ZDHHC7: variants seen among roughly 807,000 people sequenced by gnomAD.
The protein encoded by ZDHHC7 is palmitoyltransferase ZDHHC7.
ZDHHC7 carries 12 observed loss-of-function variants against 34.1 expected under a neutral mutation model. The ratio of observed to expected loss-of-function variants is 0.35; its 90% CI spans 0.23 to 0.57. The LOEUF (loss-of-function observed/expected upper bound fraction) is 0.57, where lower values mean the gene tolerates loss of function less well. Among genes scored for constraint, ZDHHC7 ranks in the 20% least tolerant of loss-of-function variants. The pLI is 0.84. For synonymous variants in ZDHHC7, 185 were observed against 155.4 expected (o/e 1.19, Z -1.42); for missense variants, 388 against 402.7 (o/e 0.96, Z 0.31).
intron 1 of ZDHHC7, among the ~76,000 whole-genome samples, chr16:85,005,712 A>C (rs907295487): frequency 9.9e-5 from 15 of 152,262 alleles, no homozygotes; most frequent in Admixed American, 1.3e-4. Flanking sequence ...CTGGTCTCCA[A>C]TGAGACTGGA....
At chr16:85,009,162 T>C (rs1360593089) in intron 1 of ZDHHC7, among the ~76,000 whole-genome samples, 1 of 152,080 alleles carries the variant, frequency 6.6e-6, no homozygotes, top group Non-Finnish European at 1.5e-5. Flanking sequence ...TCAATGTTCA[T>C]CCCAAACATT....
At chr16:85,002,434 G>C (rs1170868571) in intron 1 of ZDHHC7, among the ~76,000 whole-genome samples, 1 of 152,170 alleles carries the variant, frequency 6.6e-6, no homozygotes, top group Admixed American at 6.5e-5. Flanking sequence ...TGGCGAGACA[G>C]GCCCTCTAAC....
chr16:84,993,371 C>T (rs1010978276), intron 2 of ZDHHC7, among the ~76,000 whole-genome samples: 1 of 152,094 alleles, frequency 6.6e-6, no homozygotes, highest in African/African-American at 2.4e-5. Flanking sequence ...GTGGCTTACA[C>T]CTGTAATCTC....
intron 1 of ZDHHC7, among the ~76,000 whole-genome samples, chr16:85,004,367 C>G (rs1478418599): frequency 1.3e-5 from 2 of 151,988 alleles, no homozygotes; most frequent in African/African-American, 4.8e-5. Context: ...GTGCTTAGAT[C>G]ACCTGCTGAC....
intron 1 of ZDHHC7, among the ~76,000 whole-genome samples, chr16:84,999,510 A>C (rs1221166218): frequency 2.0e-5 from 3 of 152,244 alleles, no homozygotes; most frequent in Non-Finnish European, 1.5e-5. Context: ...GTGTATTCAT[A>C]TAATGGCATA....
chr16:85,002,396 G>A (rs546187448), intron 1 of ZDHHC7, among the ~76,000 whole-genome samples: 1 of 152,306 alleles, frequency 6.6e-6, no homozygotes, highest in African/African-American at 2.4e-5. Flanking sequence ...AATGAGTCCT[G>A]TGGACAGAAC....
rs1227918693 is a variant in ZDHHC7, at chr16:84,974,783, A to G, written c.*1560T>C. On this transcript the variant is annotated 3_prime_UTR_variant, in exon 8 of 8. Coordinates refer to ENST00000313732, the MANE Select transcript of ZDHHC7 (RefSeq NM_017740.3). The stretch of plus-strand genomic sequence containing the variant: ...GGCGCACACGCTTCTGCGGTGACCA[A>G]GTCCACTTCCAAACCCCCTGCAGGT... 6.5e-6 allele frequency: 1 copy of G among 152,694 alleles called. No individual in the cohort carries two copies. Among genetic ancestry groups the G allele is most frequent in the Non-Finnish European group, 1.5e-5 (1 of 68,060 alleles). The allele number at this position is 152,694 out of a possible 1,614,324, so 9.5% of individuals were successfully genotyped here. A position where few individuals can be genotyped will look rare whatever the true frequency, so the allele number is the denominator to read the frequency against.
chr16:85,025,014 C>T, the ZDHHC7 span, among the ~76,000 whole-genome samples: 14 of 152,264 alleles, frequency 9.2e-5, no homozygotes, highest in East Asian at 1.4e-3. Flanking sequence ...TGGTGGCTCA[C>T]GCCTGTAATC....
chr16:84,997,117 G>A lies in ZDHHC7; in HGVS notation c.-103-1110C>T, dbSNP rs143966434. Among the ~76,000 whole-genome samples, 78 of 151,998 alleles carry A rather than the reference G, an allele frequency of 5.1e-4. No individual in the cohort carries two copies. The East Asian group carries it at 0.015, about 29-fold the overall frequency. On this transcript the variant is annotated intron_variant, in intron 1 of 7. Coordinates refer to ENST00000313732, the MANE Select transcript of ZDHHC7 (RefSeq NM_017740.3). ...GAGTCCAGAACACGCACAATGCACA[G>A]AGAAGAAAATGTCAACAAGGCATAG... is the stretch of plus-strand genomic sequence containing the variant.
chr16:85,009,757 G>A (rs1429579126), intron 1 of ZDHHC7, among the ~76,000 whole-genome samples: 1 of 135,344 alleles, frequency 7.4e-6, no homozygotes, highest in African/African-American at 2.8e-5. Context: ...CGCCCAGACT[G>A]GAGTGCAGTG....
intron 2 of ZDHHC7, among the ~76,000 whole-genome samples, chr16:84,991,322 T>C (rs1232542942): frequency 6.6e-6 from 1 of 152,206 alleles, no homozygotes; most frequent in Non-Finnish European, 1.5e-5. Context: ...AGTCTCACTC[T>C]GTTGCCCGGC....
intron 1 of ZDHHC7, among the ~76,000 whole-genome samples, chr16:84,999,002 G>A (rs984804987): frequency 6.6e-6 from 1 of 152,232 alleles, no homozygotes; most frequent in Non-Finnish European, 1.5e-5. Flanking sequence ...TGATCCGCCC[G>A]CCTCAGCCTC....
chr16:85,027,596 C>A, the ZDHHC7 span, among the ~76,000 whole-genome samples: 2 of 152,012 alleles, frequency 1.3e-5, no homozygotes, highest in Admixed American at 6.5e-5. Context: ...TACCCGAGAG[C>A]GCTCCCACCG....
At chr16:85,018,474 T>G in the ZDHHC7 span, among the ~76,000 whole-genome samples, 1 of 122,802 alleles carries the variant, frequency 8.1e-6, no homozygotes. Context: ...TAAGACAGAG[T>G]TTTACTCTTG....
In ZDHHC7 at chr16:84,974,975, C is replaced by CT. The variant is rs2072275838; in HGVS notation, c.*1367dup. ...TCCCAGGAGGGAGACGCCAACTTCT[C>CT]TTAGTGTGGAGGGCAAGCATAAAGG... On this transcript the variant is annotated 3_prime_UTR_variant, in exon 8 of 8. Transcript: ENST00000313732. 6.5e-6 allele frequency: 1 copy of CT among 152,724 alleles called. No homozygotes were observed. The allele number at this position is 152,724 out of a possible 1,614,324, so 9.5% of individuals were successfully genotyped here.
the ZDHHC7 span, among the ~76,000 whole-genome samples, chr16:85,022,533 A>C: frequency 6.6e-6 from 1 of 152,158 alleles, no homozygotes; most frequent in Non-Finnish European, 1.5e-5. Flanking sequence ...AATAATAAGA[A>C]GAAGGAGAAG....
intron 1 of ZDHHC7, among the ~76,000 whole-genome samples, chr16:85,000,039 C>G (rs2072633197): frequency 6.6e-6 from 1 of 151,360 alleles, no homozygotes; most frequent in African/African-American, 2.4e-5. Context: ...GCTCAGGAGG[C>G]TGAGGCAGGA....
chr16:85,025,765 C>T, the ZDHHC7 span, among the ~76,000 whole-genome samples: 1 of 152,228 alleles, frequency 6.6e-6, no homozygotes, highest in African/African-American at 2.4e-5. Flanking sequence ...TGAAAGAATA[C>T]TGGGAAATAT....
In ZDHHC7 at chr16:85,011,356, G is replaced by A. The variant is rs2072789504; in HGVS notation, c.-174C>T. 6.6e-6 allele frequency: 1 copy of A among 152,542 alleles called. No homozygotes were observed. The highest frequency in any genetic ancestry group is 1.5e-5 in the Non-Finnish European group (1 of 68,008). The allele number at this position is 152,542 out of a possible 1,614,324, so 9.4% of individuals were successfully genotyped here. ...TGCGGCGGCGGCGGCGGCGACTGCA[G>A]CGGCCGAGGCAGGGACGCATCATGC... On this transcript the variant is annotated 5_prime_UTR_variant, in exon 1 of 8. Transcript: ENST00000313732.
Sources: gnomAD v4.1 joint callset for allele counts (sites outside exome capture counted in the v4.1 genomes callset) on GRCh38, gnomAD v4.1.1 for gene constraint, MANE v1.5 for transcripts, NCBI Gene and HGNC (gene_info 2026-07-23, HGNC 2026-07-21) for gene names.